The following CDH12 variants were observed in gnomAD, a reference collection of about 807,000 sequenced individuals.
CDH12 encodes cadherin 12.
Under a neutral mutation model 74.1 loss-of-function variants are expected in CDH12, and 41 were observed. The observed-to-expected ratio is 0.55, with a 90% CI of 0.43 to 0.72. The LOEUF is 0.72. Ranked by LOEUF, CDH12 falls within the 30% of genes least tolerant of loss-of-function variation. The pLI, the probability that CDH12 is intolerant of heterozygous loss-of-function variation, is 0.00. For missense variants in CDH12, 945 were observed against 977.2 expected (o/e 0.97, Z 0.44); for synonymous variants, 399 against 355.0 (o/e 1.12, Z -1.39).
At chr5:21,830,613 G>A (rs527594016) in intron 8 of CDH12, among the ~76,000 whole-genome samples, 6 of 152,230 alleles carry the variant, frequency 3.9e-5, no homozygotes, top group Middle Eastern at 6.8e-3. Context: ...TTATGTAAAA[G>A]CTTTGCATCA....
intron 3 of CDH12, among the ~76,000 whole-genome samples, chr5:22,227,331 G>A (rs1752231132): frequency 6.6e-6 from 1 of 151,866 alleles, no homozygotes; most frequent in Non-Finnish European, 1.5e-5. Flanking sequence ...AGATCCCAAG[G>A]GTATTGAATC....
chr5:22,003,145 T>C (rs1406339436), intron 5 of CDH12, among the ~76,000 whole-genome samples: 2 of 151,760 alleles, frequency 1.3e-5, no homozygotes, highest in Non-Finnish European at 2.9e-5. Flanking sequence ...AATTTATGAA[T>C]AATTCTTGCC....
chr5:22,842,085 C>G (rs1383916354), intron 1 of CDH12, among the ~76,000 whole-genome samples: 2 of 152,014 alleles, frequency 1.3e-5, no homozygotes, highest in Non-Finnish European at 1.5e-5. Flanking sequence ...TATTTGAAAA[C>G]TTTTTTAAAA....
intron 2 of CDH12, among the ~76,000 whole-genome samples, chr5:22,449,919 A>G (rs562528020): frequency 2.0e-5 from 3 of 151,832 alleles, no homozygotes; most frequent in Non-Finnish European, 4.4e-5. Context: ...TTTATTGCCA[A>G]CCTCTCCTTT....
intron 5 of CDH12, among the ~76,000 whole-genome samples, chr5:22,075,465 A>T (rs967510522): frequency 2.6e-5 from 4 of 152,130 alleles, no homozygotes; most frequent in Non-Finnish European, 5.9e-5. Flanking sequence ...GCATAATAAA[A>T]AAAAAACTTT....
At chr5:22,481,252 A>C (rs901997404) in intron 2 of CDH12, among the ~76,000 whole-genome samples, 1 of 152,240 alleles carries the variant, frequency 6.6e-6, no homozygotes, top group Non-Finnish European at 1.5e-5. Context: ...TGTTGATGGG[A>C]ATGTAAAATG....
At chr5:22,175,901 C>A (rs1749306247) in intron 4 of CDH12, among the ~76,000 whole-genome samples, 1 of 152,160 alleles carries the variant, frequency 6.6e-6, no homozygotes, top group Non-Finnish European at 1.5e-5. Context: ...ACTTCCTAAA[C>A]CAAGAAGCAC....
chr5:22,062,073 AAC>A (rs1343225907), intron 5 of CDH12, among the ~76,000 whole-genome samples: 1 of 152,114 alleles, frequency 6.6e-6, no homozygotes, highest in Non-Finnish European at 1.5e-5. Context: ...AAAGAAAATA[AAC>A]ACAGTGCTCA....
At chr5:22,844,297 A>T (rs976137308) in intron 1 of CDH12, among the ~76,000 whole-genome samples, 4 of 152,082 alleles carry the variant, frequency 2.6e-5, no homozygotes, top group Non-Finnish European at 5.9e-5. Context: ...CATTATTTGG[A>T]TGTGAATACA....
At chr5:22,391,532 T>C (rs1184103991) in intron 3 of CDH12, among the ~76,000 whole-genome samples, 1 of 152,172 alleles carries the variant, frequency 6.6e-6, no homozygotes, top group Non-Finnish European at 1.5e-5. Context: ...GGAGAATTTC[T>C]CTTTTTTGCC....
intron 3 of CDH12, among the ~76,000 whole-genome samples, chr5:22,331,571 A>G (rs74978949): frequency 0.022 from 3,399 of 152,296 alleles, 96 homozygotes; most frequent in East Asian, 0.14. Context: ...GACAGGCACA[A>G]ATAAGCCCAG....
chr5:22,166,929 A>G (rs957471434), intron 4 of CDH12, among the ~76,000 whole-genome samples: 8 of 152,178 alleles, frequency 5.3e-5, no homozygotes, highest in African/African-American at 1.7e-4. Context: ...CTGATAAGTA[A>G]TACTCTGTAA....
chr5:22,686,245 G>A (rs902546388), intron 1 of CDH12, among the ~76,000 whole-genome samples: 1 of 151,580 alleles, frequency 6.6e-6, no homozygotes, highest in Non-Finnish European at 1.5e-5. Flanking sequence ...TCTTATTTCT[G>A]AGTTGTAAAA....
intron 1 of CDH12, among the ~76,000 whole-genome samples, chr5:22,633,301 C>T (rs1738675377): frequency 6.6e-6 from 1 of 152,036 alleles, no homozygotes; most frequent in Non-Finnish European, 1.5e-5. Context: ...GGTAAGGCAA[C>T]TATAAAAGTT....
chr5:21,871,911 T>C (rs1402136153), intron 6 of CDH12, among the ~76,000 whole-genome samples: 1 of 152,146 alleles, frequency 6.6e-6, no homozygotes, highest in African/African-American at 2.4e-5. Flanking sequence ...AGGGAGGTTT[T>C]GAATATATAT....
intron 3 of CDH12, among the ~76,000 whole-genome samples, chr5:22,286,740 A>G (rs910411448): frequency 6.6e-6 from 1 of 151,998 alleles, no homozygotes; most frequent in African/African-American, 2.4e-5. Flanking sequence ...AGTCAGGGTT[A>G]ACTCAAAAAT....
At chr5:21,917,344 G>C (rs137987674) in intron 6 of CDH12, among the ~76,000 whole-genome samples, 1 of 152,098 alleles carries the variant, frequency 6.6e-6, no homozygotes, top group African/African-American at 2.4e-5. Context: ...GGGTGTGGAC[G>C]GGGCATCTTG....
At chr5:21,783,784 C>T (rs1473950327) in intron 10 of CDH12, among the ~76,000 whole-genome samples, 1 of 152,050 alleles carries the variant, frequency 6.6e-6, no homozygotes, top group Non-Finnish European at 1.5e-5. Flanking sequence ...TTTCCTTAAC[C>T]TGCTGAATAT....
chr5:22,275,255 G>C (rs985599386), intron 3 of CDH12, among the ~76,000 whole-genome samples: 3 of 151,608 alleles, frequency 2.0e-5, no homozygotes, highest in African/African-American at 7.3e-5. Flanking sequence ...TACCAAACCT[G>C]CACGTTCTGC....
Sources: gnomAD v4.1 joint callset for allele counts (sites outside exome capture counted in the v4.1 genomes callset) on GRCh38, gnomAD v4.1.1 for gene constraint, MANE v1.5 for transcripts, NCBI Gene and HGNC (gene_info 2026-07-23, HGNC 2026-07-21) for gene names.